Variants in RBM47 observed in about 807,000 individuals in gnomAD.
RBM47 encodes the protein RNA binding motif protein 47, also known as RNA-binding protein 47.
A neutral mutation model predicts 47.1 loss-of-function variants in RBM47; 21 were observed. The ratio of observed to expected loss-of-function variants is 0.45; its 90% confidence interval spans 0.32 to 0.64. RBM47 has a LOEUF of 0.64. RBM47 is among the 30% of genes least tolerant of loss of function. The pLI is 0.05. For synonymous variants in RBM47, 375 were observed against 361.7 expected (o/e 1.04, Z -0.42); for missense variants, 708 against 870.9 (o/e 0.81, Z 2.35).
intron 2 of RBM47, among the ~76,000 whole-genome samples, chr4:40,486,018 C>T (rs1360558452): frequency 7.7e-6 from 1 of 130,482 alleles, no homozygotes; most frequent in African/African-American, 2.9e-5. Context: ...TGTAGTGAGC[C>T]ATATTTGGAC....
At chr4:40,489,883 C>T (rs533314807) in intron 2 of RBM47, among the ~76,000 whole-genome samples, 1 of 152,270 alleles carries the variant, frequency 6.6e-6, no homozygotes, top group South Asian at 2.1e-4. Context: ...ATGTCTTATG[C>T]ATATGGACTT....
intron 4 of RBM47, chr4:40,436,887 T>A (rs1245886717): frequency 1.6e-6 from 1 of 642,308 alleles, no homozygotes; most frequent in Non-Finnish European, 2.9e-6. Flanking sequence ...GGATTGTATC[T>A]GCAATTTCAG....
chr4:40,601,492 C>T lies in RBM47; in HGVS notation c.-240+27904G>A, dbSNP rs137948293. ...TGTGCAGAAAACTACCTGAACGCAA[C>T]GGAAAAGATTTCAATGACATCTCAA... On this transcript the variant is annotated intron_variant, in intron 1 of 6. Transcript: ENST00000295971. Among the ~76,000 whole-genome samples, 1,351 of 152,242 alleles carry T rather than the reference C, an allele frequency of 8.9e-3. 12 individuals are homozygous for T. Among genetic ancestry groups the T allele is most frequent in the Non-Finnish European group, 0.01 (710 of 68,014 alleles).
chr4:40,500,509 G>A (rs983367640), intron 2 of RBM47, among the ~76,000 whole-genome samples: 1 of 152,124 alleles, frequency 6.6e-6, no homozygotes, highest in African/African-American at 2.4e-5. Context: ...TATTCAGGAG[G>A]CTGAGGCAGG....
chr4:40,451,663 T>C lies in RBM47; in HGVS notation c.-31-12739A>G, dbSNP rs534977494. Among the ~76,000 whole-genome samples the C allele has an allele frequency of 5.9e-5, 9 of 152,334 alleles. No homozygotes were observed. The South Asian group carries it at 1.4e-3, about 25-fold the overall frequency. On this transcript the variant is annotated intron_variant, in intron 3 of 6. Transcript: ENST00000295971. ...TGGGATACAGTCAATTCACTGGTAC[T>C]AAAGTCAGCATCTGTACAGGTCTGT...
chr4:40,621,330 G>GT (rs1381858843), intron 1 of RBM47, among the ~76,000 whole-genome samples: 1 of 152,144 alleles, frequency 6.6e-6, no homozygotes, highest in Non-Finnish European at 1.5e-5. Context: ...CCAAACCTAG[G>GT]TAATTGTCCA....
intron 6 of RBM47, among the ~76,000 whole-genome samples, chr4:40,428,193 C>CAAACAAAACA (rs71196867): frequency 0.028 from 4,199 of 149,144 alleles, 128 homozygotes; most frequent in Admixed American, 0.082. Flanking sequence ...GACCTTGTCT[C>CAAACAAAACA]AAACAAAACA....
At chr4:40,482,137 G>A (rs143002693) in intron 2 of RBM47, among the ~76,000 whole-genome samples, 133 of 152,348 alleles carry the variant, frequency 8.7e-4, no homozygotes, top group Non-Finnish European at 1.6e-3. Flanking sequence ...AACAGCATGT[G>A]CTATCCAGAC....
intron 3 of RBM47, among the ~76,000 whole-genome samples, chr4:40,452,204 A>G (rs1004463625): frequency 6.6e-6 from 1 of 151,746 alleles, no homozygotes; most frequent in Non-Finnish European, 1.5e-5. Flanking sequence ...GAGGAGACAG[A>G]GCAGAGGGAA....
intron 1 of RBM47, among the ~76,000 whole-genome samples, chr4:40,555,702 C>G (rs1730014610): frequency 6.6e-6 from 1 of 152,224 alleles, no homozygotes; most frequent in Non-Finnish European, 1.5e-5. Context: ...ATGCCTGCGG[C>G]CGCCACATCA....
At chr4:40,595,664 G>C (rs1047933662) in intron 1 of RBM47, among the ~76,000 whole-genome samples, 1 of 152,054 alleles carries the variant, frequency 6.6e-6, no homozygotes, top group African/African-American at 2.4e-5. Flanking sequence ...GAGAAAGGAG[G>C]ATCACTTGAG....
intron 2 of RBM47, among the ~76,000 whole-genome samples, chr4:40,488,157 A>G (rs1721375373): frequency 6.6e-6 from 1 of 152,080 alleles, no homozygotes; most frequent in African/African-American, 2.4e-5. Flanking sequence ...CCCAGCCTCT[A>G]CTACAAAATT....
intron 2 of RBM47, among the ~76,000 whole-genome samples, chr4:40,483,009 A>G (rs1262627329): frequency 6.6e-6 from 1 of 152,232 alleles, no homozygotes; most frequent in African/African-American, 2.4e-5. Flanking sequence ...ATCAAACACT[A>G]AAACTTTAGC....
chr4:40,489,049 G>A (rs1430041126), intron 2 of RBM47, among the ~76,000 whole-genome samples: 1 of 152,094 alleles, frequency 6.6e-6, no homozygotes, highest in Non-Finnish European at 1.5e-5. Flanking sequence ...ATGCTATATG[G>A]ACTGCACCAT....
intron 3 of RBM47, among the ~76,000 whole-genome samples, chr4:40,440,699 T>C (rs1184283674): frequency 6.6e-6 from 1 of 152,202 alleles, no homozygotes; most frequent in East Asian, 1.9e-4. Context: ...TTTGTGAATC[T>C]CAGCTCTAAT....
At chr4:40,540,084 G>T (rs1274634076) in intron 2 of RBM47, among the ~76,000 whole-genome samples, 1 of 152,006 alleles carries the variant, frequency 6.6e-6, no homozygotes, top group Non-Finnish European at 1.5e-5. Context: ...TTCCCATCAG[G>T]AGCCCTGTGG....
intron 1 of RBM47, among the ~76,000 whole-genome samples, chr4:40,589,945 C>T (rs907559401): frequency 6.6e-6 from 1 of 152,044 alleles, no homozygotes; most frequent in Non-Finnish European, 1.5e-5. Flanking sequence ...GAATCCTGAG[C>T]CCAACAATCT....
At chr4:40,449,193 T>G (rs1715023867) in intron 3 of RBM47, among the ~76,000 whole-genome samples, 2 of 152,214 alleles carry the variant, frequency 1.3e-5, no homozygotes, top group South Asian at 2.1e-4. Flanking sequence ...AGCCGAAGAC[T>G]TTGAAACACG....
At chr4:40,478,172 C>T (rs1404861071) in intron 2 of RBM47, among the ~76,000 whole-genome samples, 4 of 152,030 alleles carry the variant, frequency 2.6e-5, no homozygotes, top group South Asian at 4.1e-4. Context: ...TGCGCCACCA[C>T]GCCCGGATAA....
Sources: gnomAD v4.1 joint callset for allele counts (sites outside exome capture counted in the v4.1 genomes callset) on GRCh38, gnomAD v4.1.1 for gene constraint, MANE v1.5 for transcripts, NCBI Gene and HGNC (gene_info 2026-07-23, HGNC 2026-07-21) for gene names.